The following CPSF4 variants were observed in gnomAD, a reference collection of about 807,000 sequenced individuals.
The protein encoded by CPSF4 is cleavage and polyadenylation specificity factor subunit 4.
CPSF4 carries 11 observed loss-of-function variants against 37.7 expected under a neutral mutation model. That is an observed-to-expected ratio of 0.29 (90% confidence interval 0.18 to 0.48). CPSF4 has a LOEUF of 0.48. CPSF4 is among the 20% of genes least tolerant of loss of function. CPSF4 has a pLI of 0.99. For synonymous variants in CPSF4, 132 were observed against 135.9 expected (o/e 0.97, Z 0.20); for missense variants, 144 against 359.5 (o/e 0.40, Z 4.85).
chr7:99,445,990 A>G (rs1039762591), intron 2 of CPSF4, among the ~76,000 whole-genome samples: 1 of 152,168 alleles, frequency 6.6e-6, no homozygotes, highest in African/African-American at 2.4e-5. Flanking sequence ...TATTTAGGAG[A>G]CTTAAATATT....
chr7:99,456,595 G>A lies in CPSF4; in HGVS notation c.*95G>A, dbSNP rs746782600. 28 of 1,020,240 alleles carry A rather than the reference G, an allele frequency of 2.7e-5. No homozygotes were observed. Among genetic ancestry groups the A allele is most frequent in the South Asian group, 1.7e-4 (13 of 76,244 alleles). The allele number at this position is 1,020,240 out of a possible 1,614,324, so 63.2% of individuals were successfully genotyped here. A position where few individuals can be genotyped will look rare whatever the true frequency, so the allele number is the denominator to read the frequency against. ...GCGCTTGTTGGCGCGACTGTGGCTC[G>A]AGCTGGCCCGCAGACACGTGGGTTT... On this transcript the variant is annotated 3_prime_UTR_variant, in exon 8 of 8. Transcript: ENST00000292476.
At chr7:99,439,344 T>C (rs1796667948) in intron 1 of CPSF4, 159 bp downstream of exon 1, 5 of 550,704 alleles carry the variant, frequency 9.1e-6, no homozygotes, top group Non-Finnish European at 1.3e-5. Context: ...TCCCTCTAGG[T>C]CTTGAGAGTC....
In CPSF4 at chr7:99,438,981, A is replaced by G. The variant is rs992997568; in HGVS notation, c.-102A>G. 4 of 1,228,764 alleles carry G rather than the reference A, an allele frequency of 3.3e-6. No homozygotes were observed. Among genetic ancestry groups the G allele is most frequent in the Non-Finnish European group, 3.1e-6 (3 of 962,092 alleles). The allele number at this position is 1,228,764 out of a possible 1,614,324, so 76.1% of individuals were successfully genotyped here. On this transcript the variant is annotated 5_prime_UTR_variant, in exon 1 of 8. Transcript: ENST00000292476. ...CGGCGGCGGCGGCGGCGGCGAGGCGAAGCGAAGGAGGAGTGTGTGCGGCGG... is the reference window on the plus strand; with the variant it reads ...CGGCGGCGGCGGCGGCGGCGAGGCGGAGCGAAGGAGGAGTGTGTGCGGCGG...
chr7:99,444,953 C>G, intron 2 of CPSF4, 114 bp downstream of exon 2: 2 of 905,652 alleles, frequency 2.2e-6, no homozygotes, highest in South Asian at 1.4e-5. Context: ...TACAGACTAA[C>G]GATCTCTGTA....
Position 99,455,439 on chromosome 7 carries a change from G to A in CPSF4, c.742-993G>A, listed in dbSNP as rs546331289. 5.3e-5 allele frequency among the ~76,000 whole-genome samples: 8 copies of A among 152,310 alleles called. No individual in the cohort carries two copies. In the South Asian group the frequency reaches 1.4e-3, roughly 28 times the overall value. On this transcript the variant is annotated intron_variant, in intron 7 of 7. Transcript: ENST00000292476. ...GGGACAGCTGGGTGCGGTGGCTCACGCCTGTAATCCCAGCACTTTGGGAGG... is the reference window on the plus strand; with the variant it reads ...GGGACAGCTGGGTGCGGTGGCTCACACCTGTAATCCCAGCACTTTGGGAGG...
Position 99,438,995 on chromosome 7 carries a change from T to A in CPSF4, c.-88T>A. 7.7e-7 allele frequency: 1 copy of A among 1,293,730 alleles called. No individual in the cohort carries two copies. Among genetic ancestry groups the A allele is most frequent in the Non-Finnish European group, 1.0e-6 (1 of 988,910 alleles). 80.1% of individuals were successfully genotyped at this position (1,293,730 alleles called of 1,614,324 possible). ...GCGGCGAGGCGAAGCGAAGGAGGAGTGTGTGCGGCGGGGCCGGCGGCGGGT... is the reference window on the plus strand; with the variant it reads ...GCGGCGAGGCGAAGCGAAGGAGGAGAGTGTGCGGCGGGGCCGGCGGCGGGT... On this transcript the variant is annotated 5_prime_UTR_variant, in exon 1 of 8. Transcript: ENST00000292476.
intron 7 of CPSF4, among the ~76,000 whole-genome samples, chr7:99,455,678 G>A (rs562750526): frequency 6.6e-6 from 1 of 152,322 alleles, no homozygotes; most frequent in Admixed American, 6.5e-5. Context: ...CAGTGCTTGA[G>A]GCTGCCGTTT....
chr7:99,441,345 C>A (rs1796963764), intron 1 of CPSF4: 1 of 453,508 alleles, frequency 2.2e-6, no homozygotes, highest in Non-Finnish European at 4.4e-6. Flanking sequence ...TCTGACACAT[C>A]CACAAGCCTG....
chr7:99,453,816 C>T lies in CPSF4; in HGVS notation c.571-150C>T. 1 of 676,056 alleles carries T rather than the reference C, an allele frequency of 1.5e-6. No individual in the cohort carries two copies. The highest frequency in any genetic ancestry group is 1.9e-5 in the South Asian group (1 of 52,816). The allele number at this position is 676,056 out of a possible 1,614,324, so 41.9% of individuals were successfully genotyped here. On this transcript the variant is annotated intron_variant, in intron 6 of 7. Transcript: ENST00000292476. This position sits in a 1 kb window ranked among gnomAD's most constrained non-coding sequence, Gnocchi z 4.7. Reference sequence around the variant, plus strand: ...TCTGCCATCATCACCACATGTTTCTCTGCTGCCCACTGTCCTGAGGTGGGC... The same window carrying T: ...TCTGCCATCATCACCACATGTTTCTTTGCTGCCCACTGTCCTGAGGTGGGC...
At chr7:99,443,793 C>A (rs45451992) in intron 1 of CPSF4, among the ~76,000 whole-genome samples, 5,147 of 152,106 alleles carry the variant, frequency 0.034, 101 homozygotes, top group Admixed American at 0.047. Context: ...TGATGGTACA[C>A]CTATAATTCC....
intron 2 of CPSF4, among the ~76,000 whole-genome samples, chr7:99,445,528 C>T (rs1797416269): frequency 6.6e-6 from 1 of 152,222 alleles, no homozygotes; most frequent in Non-Finnish European, 1.5e-5. Flanking sequence ...TGGTCGCCAT[C>T]TTGTTACCCC....
At chr7:99,443,584 C>T in intron 1 of CPSF4, 1 of 555,736 alleles carries the variant, frequency 1.8e-6, no homozygotes, top group Non-Finnish European at 3.3e-6. Context: ...GAAGCCAAGG[C>T]AGGCGGATCA....
rs1464753695 is a variant in CPSF4 at position 99,448,370 on chromosome 7, C to T, written c.307+97C>T. ...CCACACTGTCTCTGCCTGCTTTTCCCATCTTTCTATTCTCAGAGGAGAACT... is the reference window on the plus strand; with the variant it reads ...CCACACTGTCTCTGCCTGCTTTTCCTATCTTTCTATTCTCAGAGGAGAACT... On this transcript the variant is annotated intron_variant, in intron 3 of 7. Transcript: ENST00000292476. This position sits in a 1 kb window ranked among gnomAD's most constrained non-coding sequence, Gnocchi z 4.4. 3 of 1,347,440 alleles carry T rather than the reference C, an allele frequency of 2.2e-6. No individual in the cohort carries two copies. The highest frequency in any genetic ancestry group is 3.0e-6 in the Non-Finnish European group (3 of 995,392). 83.5% of individuals were successfully genotyped at this position (1,347,440 alleles called of 1,614,324 possible). A position where few individuals can be genotyped will look rare whatever the true frequency, so the allele number is the denominator to read the frequency against.
chr7:99,454,183 A>C (rs1447042426), intron 7 of CPSF4, 47 bp downstream of exon 7: 1 of 1,523,624 alleles, frequency 6.6e-7, no homozygotes, highest in African/African-American at 1.4e-5. Flanking sequence ...CCTTACCGTC[A>C]GTGGCCATTC....
At chr7:99,447,718 T>G in intron 2 of CPSF4, 1 of 403,860 alleles carries the variant, frequency 2.5e-6, no homozygotes, top group South Asian at 1.7e-5. Flanking sequence ...GCCTCCCGAG[T>G]AGCTGGGACT....
At chr7:99,455,450 C>T (rs139235107) in intron 7 of CPSF4, among the ~76,000 whole-genome samples, 2 of 152,330 alleles carry the variant, frequency 1.3e-5, no homozygotes, top group African/African-American at 4.8e-5. Flanking sequence ...CCTGTAATCC[C>T]AGCACTTTGG....
At chr7:99,440,092 A>G (rs909730040) in intron 1 of CPSF4, among the ~76,000 whole-genome samples, 30 of 152,016 alleles carry the variant, frequency 2.0e-4, no homozygotes, top group African/African-American at 7.0e-4. Context: ...TAATGCTATA[A>G]CCTTAAAGTT....
chr7:99,456,077 TTC>T (rs1798285737), intron 7 of CPSF4, among the ~76,000 whole-genome samples: 1 of 152,236 alleles, frequency 6.6e-6, no homozygotes, highest in Non-Finnish European at 1.5e-5. Flanking sequence ...TGCCACGGGC[TTC>T]TCTTTGTCCT....
intron 2 of CPSF4, among the ~76,000 whole-genome samples, chr7:99,446,897 C>T (rs964254694): frequency 3.5e-5 from 5 of 143,448 alleles, no homozygotes; most frequent in African/African-American, 1.3e-4. Context: ...TCAAGCAATT[C>T]TCCTGCCTCA....
Sources: allele counts gnomAD v4.1 joint callset (sites outside exome capture counted in the v4.1 genomes callset), GRCh38; gene constraint gnomAD v4.1.1; non-coding constraint Gnocchi (gnomAD v3.1); transcripts MANE v1.5; gene names NCBI Gene and HGNC (gene_info 2026-07-23, HGNC 2026-07-21).